The following NCOR2 variants were observed in gnomAD, a reference collection of about 807,000 sequenced individuals.
NCOR2 encodes the protein nuclear receptor corepressor 2.
NCOR2 carries 81 observed loss-of-function variants against 262.9 expected under a neutral mutation model. The observed-to-expected ratio is 0.31, with a 90% confidence interval of 0.26 to 0.37. The LOEUF is 0.37. Among genes scored for constraint, NCOR2 ranks in the 10% least tolerant of loss-of-function variants. The pLI, the probability that NCOR2 is intolerant of heterozygous loss-of-function variation, is 1.00. For synonymous variants in NCOR2, 1,659 were observed against 1,559.3 expected, an observed-to-expected ratio of 1.06 and a Z score of -1.51; for missense variants, 3,385 against 3,621.4, an observed-to-expected ratio of 0.93 and a Z score of 1.68.
chr12:124,550,420 T>A (rs1392649679), intron 1 of NCOR2, among the ~76,000 whole-genome samples: 1 of 151,360 alleles, frequency 6.6e-6, no homozygotes, highest in African/African-American at 2.4e-5. Flanking sequence ...CCTTCAGGAG[T>A]CTAACCTACT....
At chr12:124,419,644 A>G (rs2043102700) in intron 13 of NCOR2, among the ~76,000 whole-genome samples, 1 of 152,250 alleles carries the variant, frequency 6.6e-6, no homozygotes, top group South Asian at 2.1e-4. Flanking sequence ...TTTTACGCAC[A>G]GAGATCACAG....
intron 43 of NCOR2, chr12:124,331,583 A>C (rs2035203698): frequency 6.6e-6 from 1 of 152,578 alleles, no homozygotes; most frequent in Non-Finnish European, 1.4e-5. Flanking sequence ...CAGCCTCCCC[A>C]GTAGCTTGGA....
rs562259350 is a variant in NCOR2, at chr12:124,504,207, G to A, written c.-117-8839C>T. 2.6e-5 allele frequency among the ~76,000 whole-genome samples: 4 copies of A among 152,332 alleles called. No homozygotes were observed. Among genetic ancestry groups the A allele is most frequent in the South Asian group, 4.1e-4 (2 of 4,826 alleles). On this transcript the variant is annotated intron_variant, in intron 1 of 46. Coordinates refer to the NCOR2 transcript ENST00000404621. This position sits in a 1 kb window ranked among gnomAD's most constrained non-coding sequence, Gnocchi z 4.5. Reference sequence around the variant, plus strand: ...TGGGAATCCTCCTCCTTGACCCCGGGTAGATGTACAGGGTAGAGATACGTG... The same window carrying A: ...TGGGAATCCTCCTCCTTGACCCCGGATAGATGTACAGGGTAGAGATACGTG...
rs1349078420 is a variant in NCOR2 at position 124,433,870 on chromosome 12, AC to A, written c.883-3084del. 2.4e-3 allele frequency among the ~76,000 whole-genome samples: 154 copies of A among 64,404 alleles called. 5 individuals are homozygous for A. The South Asian group carries it at 0.043, about 18-fold the overall frequency. 42.3% of individuals were successfully genotyped at this position (64,404 alleles called of 152,430 possible). On this transcript the variant is annotated intron_variant, in intron 8 of 46. Coordinates refer to ENST00000405201, the Ensembl canonical transcript of NCOR2. ...TACACACACACACACACACACACAC[AC>A]ACACACACACACACACACACACACA...
chr12:124,406,705 CTG>C (rs2042297131), intron 13 of NCOR2, among the ~76,000 whole-genome samples: 1 of 152,156 alleles, frequency 6.6e-6, no homozygotes, highest in Non-Finnish European at 1.5e-5. Flanking sequence ...CAGTACAACT[CTG>C]TGACAAACCC....
At chr12:124,439,260 G>C in intron 7 of NCOR2, among the ~76,000 whole-genome samples, 1 of 106,860 alleles carries the variant, frequency 9.4e-6, no homozygotes, top group East Asian at 3.2e-4. Context: ...GAGAGAGAGA[G>C]ATGGAGACCC....
intron 16 of NCOR2, among the ~76,000 whole-genome samples, chr12:124,387,667 A>C (rs1228092431): frequency 6.6e-6 from 1 of 152,162 alleles, no homozygotes; most frequent in Non-Finnish European, 1.5e-5. Flanking sequence ...GCAGAAGGGG[A>C]GGGCCGGGGC....
intron 31 of NCOR2, 48 bp downstream of exon 33, chr12:124,346,516 C>G (rs750475996): frequency 2.7e-6 from 4 of 1,456,672 alleles, no homozygotes; most frequent in Non-Finnish European, 3.6e-6. Context: ...CCACAGCCAC[C>G]GCCACCCCTC....
rs772956546 is a variant in NCOR2, at chr12:124,355,420, G to A, written c.3381+12C>T. Reference sequence around the variant, plus strand: ...AGACTAAGCCCCCAAGAAAGGAAGGGCTACCACTCACTTGGGAGATGGCAC... The same window carrying A: ...AGACTAAGCCCCCAAGAAAGGAAGGACTACCACTCACTTGGGAGATGGCAC... On this transcript the variant is annotated intron_variant, in intron 24 of 46. Transcript: ENST00000405201. 2.7e-5 allele frequency: 44 copies of A among 1,613,050 alleles called. No homozygotes were observed. The highest frequency in any genetic ancestry group is 3.4e-5 in the Non-Finnish European group (40 of 1,179,734).
At chr12:124,468,450 T>C (rs372822466) in intron 4 of NCOR2, among the ~76,000 whole-genome samples, 29 of 12,702 alleles carry the variant, frequency 2.3e-3, no homozygotes, top group South Asian at 6.8e-3. Flanking sequence ...ACCCCCATCA[T>C]CCTCATCCTC....
intron 37 of NCOR2, 161 bp from the exon 40 acceptor site, chr12:124,337,341 G>A: frequency 2.3e-6 from 2 of 851,170 alleles, no homozygotes; most frequent in South Asian, 1.4e-5. Context: ...GTGCGTCATG[G>A]TTTGACCCAT....
chr12:124,374,170 C>G (rs1454097098), intron 19 of NCOR2, among the ~76,000 whole-genome samples: 1 of 152,208 alleles, frequency 6.6e-6, no homozygotes, highest in Non-Finnish European at 1.5e-5. Context: ...GAGACCCAAG[C>G]GTACCAGTGA....
At position 124,373,752 on chromosome 12, in the gene NCOR2, AT is replaced by A. The variant is rs1414285218; in HGVS notation, c.2218+660del. On this transcript the variant is annotated intron_variant, in intron 19 of 46. Coordinates refer to ENST00000405201, the Ensembl canonical transcript of NCOR2. ...GCAGGGGCCCCGGGCACAGTGGACA[AT>A]CATGAGGCCAGTGCGTGTGCAGGGG... 8.5e-3 allele frequency among the ~76,000 whole-genome samples: 140 copies of A among 16,422 alleles called. 3 individuals carry two copies. Among genetic ancestry groups the A allele is most frequent in the Non-Finnish European group, 0.018 (80 of 4,458 alleles). The allele number at this position is 16,422 out of a possible 152,430, so 10.8% of individuals were successfully genotyped here.
chr12:124,347,792 G>C (rs1328030946), intron 30 of NCOR2, 33 bp downstream of exon 32: 7 of 1,550,052 alleles, frequency 4.5e-6, no homozygotes, highest in Non-Finnish European at 6.1e-6. Flanking sequence ...ACACCCGTTG[G>C]GGGCAACGAG....
At chr12:124,397,987 C>T (rs1459607609) in intron 16 of NCOR2, 132 bp downstream of exon 18, 4 of 1,043,192 alleles carry the variant, frequency 3.8e-6, no homozygotes, top group Non-Finnish European at 5.9e-6. Context: ...CAGCCCAGAA[C>T]CAGAACCTCA....
exon 41 of NCOR2, chr12:124,334,615 C>G (rs779090153): frequency 7.2e-7 from 1 of 1,382,770 alleles, no homozygotes; most frequent in South Asian, 1.8e-5. Context: ...GTGTGATGAC[C>G]TCCTGCAGGC....
At chr12:124,463,159 C>T (rs1290615837) in intron 5 of NCOR2, among the ~76,000 whole-genome samples, 4 of 152,248 alleles carry the variant, frequency 2.6e-5, no homozygotes, top group Non-Finnish European at 5.9e-5. Context: ...ACATCGCTAG[C>T]GCTGCCTCTG....
At chr12:124,335,306 G>A in intron 39 of NCOR2, 26 bp from the exon 42 acceptor site, 1 of 1,556,104 alleles carries the variant, frequency 6.4e-7, no homozygotes, top group Non-Finnish European at 8.7e-7. Context: ...AGCTGGTCAG[G>A]GGGTGTCTGC....
upstream of NCOR2, among the ~76,000 whole-genome samples, chr12:124,496,811 T>C (rs1327925833): frequency 6.7e-6 from 1 of 149,440 alleles, no homozygotes; most frequent in Non-Finnish European, 1.5e-5. The surrounding 1 kb of genome is among the most constrained non-coding windows in gnomAD (Gnocchi z 4.4). Context: ...GGCCAGTGAC[T>C]GTCTCAAGGA....
Sources: gnomAD v4.1 joint callset for allele counts (sites outside exome capture counted in the v4.1 genomes callset) on GRCh38, gnomAD v4.1.1 for gene constraint, Gnocchi (gnomAD v3.1) non-coding constraint, MANE v1.5 for transcripts, NCBI Gene and HGNC (gene_info 2026-07-23, HGNC 2026-07-21) for gene names.